PREX2: variants seen among roughly 807,000 people sequenced by gnomAD.
The protein encoded by PREX2 is phosphatidylinositol-3,4,5-trisphosphate dependent Rac exchange factor 2.
A neutral mutation model predicts 203.2 loss-of-function variants in PREX2; 107 were observed. That is an observed-to-expected ratio of 0.53 (90% CI 0.45 to 0.62). PREX2 has a LOEUF of 0.62. Ranked by LOEUF, PREX2 falls within the 20% of genes least tolerant of loss-of-function variation. The pLI is 0.00. For missense variants in PREX2, 1,777 were observed against 1,955.9 expected (o/e 0.91, Z 1.72); for synonymous variants, 672 against 663.6 (o/e 1.01, Z -0.19).
intron 17 of PREX2, 64 bp from the exon 18 acceptor site, chr8:68,083,176 G>A (rs5892130): frequency 3.5e-6 from 1 of 288,024 alleles, no homozygotes; most frequent in Non-Finnish European, 4.9e-6. Flanking sequence ...TTCCAATTTT[G>A]TGAAAAACTC....
chr8:67,981,097 G>A (rs186074489), intron 1 of PREX2, among the ~76,000 whole-genome samples: 172 of 152,266 alleles, frequency 1.1e-3, no homozygotes, highest in Admixed American at 1.7e-3. Context: ...CCTGAAAATA[G>A]GAAAGTACAA....
chr8:68,103,444 C>T (rs1810320505), intron 23 of PREX2: 1 of 481,204 alleles, frequency 2.1e-6, no homozygotes, highest in Non-Finnish European at 4.1e-6. Flanking sequence ...GCATTAAAAA[C>T]CTGAAGTTGC....
In PREX2 at chr8:68,109,560, A is replaced by C. The variant is rs1274014891; in HGVS notation, c.3083A>C (p.Lys1028Thr). ...EDLETQDIYQ[K>T]LLGKLQTALK... ...TTAGAAACCCAAGACATCTATCAGA[A>C]ACTGCTGGGCAAACTTCAGACTGCA... Residue 1028 changes from lysine to threonine, a missense_variant, in exon 25 of 40, where the codon AAA becomes ACA. Coordinates refer to ENST00000288368, the MANE Select transcript of PREX2 (RefSeq NM_024870.4). 2.5e-6 allele frequency: 4 copies of C among 1,614,046 alleles called. No homozygotes were observed. In the Admixed American group the frequency reaches 6.7e-5, roughly 27 times the overall value.
intron 1 of PREX2, among the ~76,000 whole-genome samples, chr8:68,013,437 A>G (rs1317528369): frequency 6.6e-6 from 1 of 152,212 alleles, no homozygotes; most frequent in East Asian, 1.9e-4. Flanking sequence ...GGTGCCCAAT[A>G]GAAATCTGAG....
At chr8:67,998,033 T>C (rs932100968) in intron 1 of PREX2, among the ~76,000 whole-genome samples, 1 of 152,184 alleles carries the variant, frequency 6.6e-6, no homozygotes, top group Non-Finnish European at 1.5e-5. Context: ...GACTTACCCT[T>C]CTGCTGGGCT....
intron 21 of PREX2, among the ~76,000 whole-genome samples, chr8:68,095,492 C>T (rs543324065): frequency 5.3e-5 from 8 of 151,084 alleles, no homozygotes; most frequent in Non-Finnish European, 8.8e-5. Context: ...TTTTCAGGAA[C>T]GGGGCCAAAT....
intron 17 of PREX2, 21 bp from the exon 18 acceptor site, chr8:68,083,219 T>G (rs751609077): frequency 1.9e-6 from 3 of 1,547,218 alleles, no homozygotes; most frequent in Middle Eastern, 1.7e-4. Flanking sequence ...TTTGACTTAT[T>G]TTTTGTAATT....
chr8:68,105,391 C>G (rs1432357161), intron 23 of PREX2: 6 of 1,345,936 alleles, frequency 4.5e-6, no homozygotes, highest in African/African-American at 1.5e-5. Flanking sequence ...GTTCAGGCAC[C>G]CTTAGACACA....
intron 39 of PREX2, among the ~76,000 whole-genome samples, chr8:68,226,836 C>T (rs914001172): frequency 2.0e-5 from 3 of 152,120 alleles, no homozygotes; most frequent in East Asian, 3.9e-4. Flanking sequence ...CATAATGCAG[C>T]CTAAGGACAG....
At chr8:68,073,472 T>A (rs1030416675) in intron 14 of PREX2, among the ~76,000 whole-genome samples, 2 of 152,166 alleles carry the variant, frequency 1.3e-5, no homozygotes, top group Non-Finnish European at 2.9e-5. Flanking sequence ...GTTTCAGTTG[T>A]TAATACTTAA....
intron 1 of PREX2, among the ~76,000 whole-genome samples, chr8:68,007,467 A>C (rs1305779539): frequency 1.3e-5 from 2 of 152,246 alleles, no homozygotes; most frequent in African/African-American, 4.8e-5. Context: ...TGTAAAATAG[A>C]ATGGTTCTCC....
rs531303225 is a variant in PREX2, at chr8:68,013,665, C to T, written c.142-4181C>T. On this transcript the variant is annotated intron_variant, in intron 1 of 39. Transcript: ENST00000288368. ...TTAAAGGGTAAAAGGAAAATATTTACCCTTATTGTTTTTTTCTCATTTATT... is the reference window on the plus strand; with the variant it reads ...TTAAAGGGTAAAAGGAAAATATTTATCCTTATTGTTTTTTTCTCATTTATT... Among the ~76,000 whole-genome samples, 3 of 152,252 alleles carry T rather than the reference C, an allele frequency of 2.0e-5. No individual in the cohort carries two copies. The South Asian group carries it at 6.2e-4, about 32-fold the overall frequency.
chr8:68,155,355 C>G (rs1811523075), intron 34 of PREX2, among the ~76,000 whole-genome samples: 1 of 152,090 alleles, frequency 6.6e-6, no homozygotes, highest in Non-Finnish European at 1.5e-5. Flanking sequence ...CCCTAATCTT[C>G]CACAATTGCT....
intron 30 of PREX2, among the ~76,000 whole-genome samples, chr8:68,124,172 T>A (rs1490363462): frequency 1.3e-5 from 2 of 152,034 alleles, no homozygotes; most frequent in Non-Finnish European, 2.9e-5. Flanking sequence ...CATTCTATCA[T>A]AAAGATATGT....
chr8:67,955,929 G>C (rs2129016626), intron 1 of PREX2, among the ~76,000 whole-genome samples: 1 of 152,302 alleles, frequency 6.6e-6, no homozygotes, highest in South Asian at 2.1e-4. Context: ...TAAACATGTG[G>C]TACCTGCCTT....
intron 17 of PREX2, 109 bp from the exon 18 acceptor site, chr8:68,083,131 A>G: frequency 1.4e-6 from 1 of 722,582 alleles, no homozygotes; most frequent in Non-Finnish European, 2.2e-6. Context: ...GGTGTGTTAA[A>G]ATGTCAATAT....
At chr8:68,146,126 A>G in intron 33 of PREX2, 83 bp from the exon 34 acceptor site, 9 of 932,622 alleles carry the variant, frequency 9.7e-6, no homozygotes, top group Non-Finnish European at 1.5e-5. Flanking sequence ...AGTAATTCTC[A>G]GGATTCTTTC....
At chr8:68,215,341 T>A (rs1812812801) in intron 37 of PREX2, among the ~76,000 whole-genome samples, 1 of 152,170 alleles carries the variant, frequency 6.6e-6, no homozygotes, top group African/African-American at 2.4e-5. Context: ...ACAGACATAT[T>A]TCAGCATGAT....
chr8:68,033,799 C>A (rs1165302571), intron 6 of PREX2, among the ~76,000 whole-genome samples: 1 of 152,136 alleles, frequency 6.6e-6, no homozygotes, highest in Admixed American at 6.6e-5. Flanking sequence ...AATACTGATT[C>A]TCCATTGTAT....
Sources: allele counts gnomAD v4.1 joint callset (sites outside exome capture counted in the v4.1 genomes callset), GRCh38; gene constraint gnomAD v4.1.1; transcripts MANE v1.5; gene names NCBI Gene and HGNC (gene_info 2026-07-23, HGNC 2026-07-21).